LCORL: variants seen among roughly 807,000 people sequenced by gnomAD.
LCORL encodes the protein ligand-dependent nuclear receptor corepressor-like protein.
A neutral mutation model predicts 141.8 loss-of-function variants in LCORL; 41 were observed. The ratio of observed to expected loss-of-function variants is 0.29; its 90% CI spans 0.23 to 0.38. LCORL has a LOEUF of 0.38. Among genes scored for constraint, LCORL ranks in the 10% least tolerant of loss-of-function variants. The pLI, the probability that LCORL is intolerant of heterozygous loss-of-function variation, is 1.00. For synonymous variants in LCORL, 618 were observed against 694.1 expected (o/e 0.89, Z 1.72); for missense variants, 1,759 against 2,035.0 (o/e 0.86, Z 2.61).
At chr4:17,911,456 A>G (rs1732514381) in intron 4 of LCORL, among the ~76,000 whole-genome samples, 3 of 152,242 alleles carry the variant, frequency 2.0e-5, no homozygotes, top group Admixed American at 2.0e-4. Context: ...ATCAGTCTGA[A>G]AACATCCAGT....
chr4:17,958,513 G>C (rs1188658992), intron 4 of LCORL, among the ~76,000 whole-genome samples: 1 of 151,836 alleles, frequency 6.6e-6, no homozygotes, highest in East Asian at 1.9e-4. Flanking sequence ...AAATAACTTA[G>C]TTTACATTTC....
chr4:17,982,097 A>C (rs1718085169), intron 1 of LCORL, among the ~76,000 whole-genome samples: 1 of 108,826 alleles, frequency 9.2e-6, no homozygotes, highest in Non-Finnish European at 1.8e-5. Flanking sequence ...ATAGTATTCC[A>C]TCGTGTGTGT....
At chr4:17,909,035 T>C (rs908757648) in intron 5 of LCORL, 59 bp downstream of exon 5, 37 of 1,402,370 alleles carry the variant, frequency 2.6e-5, no homozygotes, top group Admixed American at 1.3e-4. Context: ...AAGTTATAAA[T>C]ATACATTTAA....
rs781219064 is a variant in LCORL at position 18,007,882 on chromosome 4, T to C, written c.154+13716A>G. ...CAAATTCTATTCTATTTATGTGCTATGCCAGAACACAAATACTAAAAGGTT... is the reference window on the plus strand; with the variant it reads ...CAAATTCTATTCTATTTATGTGCTACGCCAGAACACAAATACTAAAAGGTT... On this transcript the variant is annotated intron_variant, in intron 1 of 7. Coordinates refer to ENST00000635767, the Ensembl canonical transcript of LCORL. Among the ~76,000 whole-genome samples, 3 of 152,088 alleles carry C rather than the reference T, an allele frequency of 2.0e-5. No individual in the cohort carries two copies. The East Asian group carries it at 5.8e-4, about 29-fold the overall frequency.
intron 5 of LCORL, among the ~76,000 whole-genome samples, chr4:17,897,213 C>CTTTTTTTTTTT (rs761784734): frequency 1.6e-5 from 1 of 63,986 alleles, no homozygotes; most frequent in Admixed American, 2.5e-4. Context: ...ATACTGATTT[C>CTTTTTTTTTTT]TTTTTTTTTT....
intron 1 of LCORL, among the ~76,000 whole-genome samples, chr4:17,990,447 C>T (rs1400418801): frequency 1.3e-5 from 2 of 149,232 alleles, no homozygotes; most frequent in Admixed American, 1.3e-4. Context: ...GTCAGACCTA[C>T]TCACATAATC....
chr4:17,854,971 AC>A (rs1336938990), intron 7 of LCORL, among the ~76,000 whole-genome samples: 24 of 152,220 alleles, frequency 1.6e-4, no homozygotes, highest in Admixed American at 1.6e-3. Context: ...AAAGATTGGC[AC>A]TCTGGTGCAT....
chr4:17,977,772 T>C (rs1447156137), intron 1 of LCORL, among the ~76,000 whole-genome samples: 1 of 152,224 alleles, frequency 6.6e-6, no homozygotes, highest in Non-Finnish European at 1.5e-5. Context: ...TTAATTTTGA[T>C]GATTAATTTA....
chr4:17,976,312 CCT>C (rs1271966876), intron 1 of LCORL, among the ~76,000 whole-genome samples: 2 of 152,048 alleles, frequency 1.3e-5, no homozygotes, highest in African/African-American at 2.4e-5. Flanking sequence ...CTATTTATTT[CCT>C]CTGTTATACA....
chr4:17,929,457 A>T (rs1221820955), intron 4 of LCORL, among the ~76,000 whole-genome samples: 1 of 152,226 alleles, frequency 6.6e-6, no homozygotes, highest in Non-Finnish European at 1.5e-5. Flanking sequence ...GTCCAAACAT[A>T]AACGCACTCA....
chr4:17,935,386 T>C (rs938255910), intron 4 of LCORL, among the ~76,000 whole-genome samples: 1 of 152,138 alleles, frequency 6.6e-6, no homozygotes, highest in Non-Finnish European at 1.5e-5. Context: ...ATCAGTAACA[T>C]GGTTTAGATG....
chr4:17,986,693 G>T (rs1230640375), intron 1 of LCORL, among the ~76,000 whole-genome samples: 1 of 151,492 alleles, frequency 6.6e-6, no homozygotes, highest in Non-Finnish European at 1.5e-5. Context: ...CTTAGTTTCT[G>T]TTGATTGGGT....
At chr4:18,019,468 G>T (rs955112573) in intron 1 of LCORL, among the ~76,000 whole-genome samples, 1 of 152,192 alleles carries the variant, frequency 6.6e-6, no homozygotes, top group Admixed American at 6.5e-5. Context: ...ACGATACAAT[G>T]TAATCACATA....
chr4:17,997,521 T>TAATA lies in LCORL; in HGVS notation c.154+24073_154+24076dup, dbSNP rs1721101281. Among the ~76,000 whole-genome samples the TAATA allele has an allele frequency of 3.9e-5, 6 of 152,262 alleles. No individual in the cohort carries two copies. The South Asian group carries it at 1.2e-3, about 32-fold the overall frequency. On this transcript the variant is annotated intron_variant, in intron 1 of 7. Transcript: ENST00000635767. ...ATAAAGAAGCAGAACAGTTTTTAAA[T>TAATA]AATAAGAAAGATGACTAATACAAAA... is the stretch of plus-strand genomic sequence containing the variant.
chr4:18,003,469 A>T (rs1482793748), intron 1 of LCORL, among the ~76,000 whole-genome samples: 1 of 152,246 alleles, frequency 6.6e-6, no homozygotes, highest in Non-Finnish European at 1.5e-5. Flanking sequence ...AACACCAGAG[A>T]AATAGACTTT....
chr4:17,909,712 G>T (rs1732203770), intron 4 of LCORL, among the ~76,000 whole-genome samples: 1 of 152,074 alleles, frequency 6.6e-6, no homozygotes, highest in Admixed American at 6.5e-5. Flanking sequence ...AATTGTATAA[G>T]TAACCAATTT....
At chr4:17,991,488 G>C (rs947863785) in intron 1 of LCORL, among the ~76,000 whole-genome samples, 7 of 152,308 alleles carry the variant, frequency 4.6e-5, no homozygotes, top group Middle Eastern at 3.4e-3. Flanking sequence ...CTGGGGTTCT[G>C]ATAGTCACAC....
chr4:17,901,045 A>C (rs1453954963), intron 5 of LCORL, among the ~76,000 whole-genome samples: 1 of 152,116 alleles, frequency 6.6e-6, no homozygotes, highest in Middle Eastern at 3.2e-3. Context: ...GCCGGAATGT[A>C]GACAGAAATG....
chr4:17,880,817 A>G (rs1436455367), intron 6 of LCORL: 1 of 881,726 alleles, frequency 1.1e-6, no homozygotes, highest in Non-Finnish European at 1.4e-6. Flanking sequence ...CACAAGACAG[A>G]TACATGAATT....
Sources: allele counts gnomAD v4.1 joint callset (sites outside exome capture counted in the v4.1 genomes callset), GRCh38; gene constraint gnomAD v4.1.1; transcripts MANE v1.5; gene names NCBI Gene and HGNC (gene_info 2026-07-23, HGNC 2026-07-21).